The following ABCA9 variants were observed in gnomAD, a reference collection of about 807,000 sequenced individuals.
The protein encoded by ABCA9 is ATP binding cassette subfamily A member 9.
In ABCA9, 183 loss-of-function variants were observed where a neutral mutation model predicts 205.3. The observed-to-expected ratio is 0.89, with a 90% CI of 0.79 to 1.01. The LOEUF (loss-of-function observed/expected upper bound fraction) is 1.01. Among genes scored for constraint, ABCA9 ranks in the 50% least tolerant of loss-of-function variants. The pLI is 0.00. For missense variants in ABCA9, 1,805 were observed against 1,912.4 expected (o/e 0.94, Z 1.05); for synonymous variants, 651 against 683.3 (o/e 0.95, Z 0.74).
rs1368176756 is a variant in ABCA9 at position 68,974,891 on chromosome 17, A to G, written c.*1024T>C. 1 of 152,180 alleles carries G rather than the reference A, an allele frequency of 6.6e-6. No individual in the cohort carries two copies. Among genetic ancestry groups the G allele is most frequent in the Admixed American group, 6.5e-5 (1 of 15,274 alleles). The allele number at this position is 152,180 out of a possible 1,614,324, so 9.4% of individuals were successfully genotyped here. The stretch of plus-strand genomic sequence containing the variant: ...TATTATACTTTAAGTTCTGGGATAC[A>G]TGTGCTGAATGTGCAGGTTTGTTAC... On this transcript the variant is annotated 3_prime_UTR_variant, in exon 39 of 39. Coordinates refer to ENST00000340001, the MANE Select transcript of ABCA9 (RefSeq NM_080283.4).
chr17:68,992,230 G>A lies in ABCA9; in HGVS notation c.3661C>T (p.Arg1221Ter), dbSNP rs377378801. Reference sequence around the variant, plus strand: ...TTCCTGCAGTTCATTTCTAGGCATCGCAGAATGAAAAGAAAAATGAGAAAA... The same window carrying A: ...TTCCTGCAGTTCATTTCTAGGCATCACAGAATGAAAAGAAAAATGAGAAAA... ...LHFLIFLFIL[R>*]CLEMNCRKKL... Residue 1221 changes from arginine (R) to a stop codon, truncating the protein, a stop_gained, in exon 28 of 39, where the codon CGA becomes TGA. Transcript: ENST00000340001. LOFTEE classifies it high-confidence loss of function. 2.9e-5 allele frequency: 46 copies of A among 1,596,348 alleles called. 1 individual carries two copies. The highest frequency in any genetic ancestry group is 1.3e-4 in the South Asian group (11 of 87,108).
At chr17:69,017,336 T>C (rs2070655226) in intron 21 of ABCA9, among the ~76,000 whole-genome samples, 2 of 152,212 alleles carry the variant, frequency 1.3e-5, no homozygotes, top group African/African-American at 2.4e-5. Context: ...CAAGTCTACA[T>C]TGGGCAGTTG....
chr17:69,031,888 G>A lies in ABCA9; in HGVS notation c.1445+220C>T, dbSNP rs566817855. 4.6e-5 allele frequency among the ~76,000 whole-genome samples: 7 copies of A among 152,268 alleles called. No homozygotes were observed. In the East Asian group the frequency reaches 9.6e-4, roughly 21 times the overall value. On this transcript the variant is annotated intron_variant, in intron 10 of 38. Transcript: ENST00000340001. ...ATTCAAAAATTATTTACTTGTGGAC[G>A]GTTGTTACTATACCATGAAATATTA... is the stretch of plus-strand genomic sequence containing the variant.
intron 25 of ABCA9, among the ~76,000 whole-genome samples, chr17:69,000,000 G>C (rs1285543268): frequency 2.6e-5 from 4 of 152,092 alleles, no homozygotes; most frequent in East Asian, 1.9e-4. Flanking sequence ...AAATTTGTTG[G>C]AGTTCATTGT....
intron 21 of ABCA9, among the ~76,000 whole-genome samples, chr17:69,017,164 T>C (rs1351203040): frequency 1.3e-5 from 2 of 152,136 alleles, no homozygotes; most frequent in South Asian, 2.1e-4. Context: ...ATGGCCACAC[T>C]TCGTGACACC....
In ABCA9 at chr17:68,978,194, T is replaced by A. The variant is rs192026628; in HGVS notation, c.4721-2004A>T. Reference sequence around the variant, plus strand: ...TATTTAGGAAAGTTAGCTCTTCTTGTTGAATTGATCCCTTTACCATTATGT... The same window carrying A: ...TATTTAGGAAAGTTAGCTCTTCTTGATGAATTGATCCCTTTACCATTATGT... On this transcript the variant is annotated intron_variant, in intron 37 of 38. Transcript: ENST00000340001. Among the ~76,000 whole-genome samples, 35 of 152,344 alleles carry A rather than the reference T, an allele frequency of 2.3e-4. 1 individual carries two copies. In the East Asian group the frequency reaches 6.2e-3, roughly 27 times the overall value.
In ABCA9 at chr17:68,984,079, G is replaced by A; in HGVS notation, c.4476C>T (p.Ala1492=). The A allele has an allele frequency of 6.2e-7, 1 of 1,614,118 alleles. No individual in the cohort carries two copies. The highest frequency in any genetic ancestry group is 8.5e-7 in the Non-Finnish European group (1 of 1,180,016). ...AEAEAVCDRV[A]IMVSGRLRCI... is the part of the protein sequence containing the mutation. ...ACCTCAGCCTTCCTGACACCATGATGGCCACTCGGTCACACACCGCCTCAG... is the reference window on the plus strand; with the variant it reads ...ACCTCAGCCTTCCTGACACCATGATAGCCACTCGGTCACACACCGCCTCAG... The change falls in exon 35 of 39, where the codon GCC becomes GCT. Residue 1492 remains alanine, a synonymous_variant. Coordinates refer to ENST00000340001, the MANE Select transcript of ABCA9 (RefSeq NM_080283.4).
At chr17:69,012,584 GA>G (rs545729382) in intron 22 of ABCA9, among the ~76,000 whole-genome samples, 5 of 150,338 alleles carry the variant, frequency 3.3e-5, no homozygotes, top group African/African-American at 9.8e-5. Context: ...CCTTAATTTT[GA>G]AAAAAAAATT....
At chr17:69,025,621 C>T (rs542839815) in intron 16 of ABCA9, among the ~76,000 whole-genome samples, 60 of 152,052 alleles carry the variant, frequency 3.9e-4, no homozygotes, top group African/African-American at 1.4e-3. Context: ...TCAGATTAGC[C>T]ACTTTGAGTA....
At chr17:68,987,630 C>T (rs747002940) in intron 31 of ABCA9, among the ~76,000 whole-genome samples, 12 of 152,202 alleles carry the variant, frequency 7.9e-5, no homozygotes, top group African/African-American at 1.4e-4. Flanking sequence ...TGTGAGCAGG[C>T]GGTCAACAGA....
Position 69,027,090 on chromosome 17 carries a change from C to T in ABCA9, c.1936G>A (p.Ala646Thr). 6.2e-7 allele frequency: 1 copy of T among 1,614,132 alleles called. No individual in the cohort carries two copies. Among genetic ancestry groups the T allele is most frequent in the Non-Finnish European group, 8.5e-7 (1 of 1,180,000 alleles). Reference sequence around the variant, plus strand: ...TGCCTTGAAAGAGGATCCAATCCAGCAGTCGGTTCATCCAATAGCAAAACC... The same window carrying T: ...TGCCTTGAAAGAGGATCCAATCCAGTAGTCGGTTCATCCAATAGCAAAACC... ...PQVLLLDEPT[A>T]GLDPLSRHRI... The change falls in exon 15 of 39, where the codon GCT becomes ACT. Residue 646 changes from alanine (A) to threonine (T), a missense_variant. Physicochemically the swap from Ala to Thr is moderately conservative, Grantham distance 58. Transcript: ENST00000340001.
chr17:69,038,722 T>C (rs2071428992), intron 6 of ABCA9, among the ~76,000 whole-genome samples: 1 of 152,004 alleles, frequency 6.6e-6, no homozygotes, highest in African/African-American at 2.4e-5. Context: ...GCCAGCACAA[T>C]CAGGCAAGAG....
intron 25 of ABCA9, among the ~76,000 whole-genome samples, chr17:69,000,359 C>A (rs1356607541): frequency 2.6e-5 from 4 of 151,210 alleles, no homozygotes; most frequent in East Asian, 1.9e-4. Context: ...AGCCAGTTTT[C>A]CCAGCACCAT....
chr17:69,055,554 C>T (rs1408973525), intron 1 of ABCA9, among the ~76,000 whole-genome samples: 2 of 152,188 alleles, frequency 1.3e-5, no homozygotes, highest in African/African-American at 4.8e-5. Flanking sequence ...GATGAATCCA[C>T]TCTTATAGTT....
At position 69,051,131 on chromosome 17, in the gene ABCA9, A is replaced by C. The variant is rs2144508396; in HGVS notation, c.-5T>G. 1 of 1,613,126 alleles carries C rather than the reference A, an allele frequency of 6.2e-7. No individual in the cohort carries two copies. Among genetic ancestry groups the C allele is most frequent in the Non-Finnish European group, 8.5e-7 (1 of 1,179,572 alleles). On this transcript the variant is annotated 5_prime_UTR_variant, in exon 2 of 39. Coordinates refer to ENST00000340001, the MANE Select transcript of ABCA9 (RefSeq NM_080283.4). ...GCTCATGCGTCTCTTGCTCATTTTG[A>C]CCTGTTTCCTTTAAAAAGACAGAAA...
intron 6 of ABCA9, among the ~76,000 whole-genome samples, chr17:69,039,413 C>A (rs1192732330): frequency 6.6e-6 from 1 of 152,012 alleles, no homozygotes; most frequent in East Asian, 1.9e-4. Context: ...ACATCTATAG[C>A]CATCTGATCT....
At chr17:69,035,886 C>A in intron 6 of ABCA9, 85 bp from the exon 7 acceptor site, 1 of 1,482,326 alleles carries the variant, frequency 6.7e-7, no homozygotes, top group Non-Finnish European at 9.1e-7. Context: ...ATTTGTGAAG[C>A]TCACCATTTA....
At chr17:68,995,776 AAGACAG>A in intron 26 of ABCA9, 113 bp downstream of exon 26, 1 of 1,325,232 alleles carries the variant, frequency 7.5e-7, no homozygotes, top group Non-Finnish European at 1.0e-6. Context: ...TGACTTTCCA[AAGACAG>A]AGACTTTTAA....
At chr17:69,002,119 T>G in intron 25 of ABCA9, among the ~76,000 whole-genome samples, 1 of 147,760 alleles carries the variant, frequency 6.8e-6, no homozygotes, top group Admixed American at 6.8e-5. Context: ...TCTATTTCCT[T>G]CAGTTCTGCT....
Sources: gnomAD v4.1 joint callset for allele counts (sites outside exome capture counted in the v4.1 genomes callset) on GRCh38, gnomAD v4.1.1 for gene constraint, MANE v1.5 for transcripts, NCBI Gene and HGNC (gene_info 2026-07-23, HGNC 2026-07-21) for gene names.